Variants in RECQL5 observed in about 807,000 individuals in gnomAD.
The protein encoded by RECQL5 is ATP-dependent DNA helicase Q5.
A neutral mutation model predicts 103.4 loss-of-function variants in RECQL5; 88 were observed. That is an observed-to-expected ratio of 0.85 (90% CI 0.72 to 1.02). The LOEUF (loss-of-function observed/expected upper bound fraction) is 1.02. Ranked by LOEUF, RECQL5 falls within the 50% of genes least tolerant of loss-of-function variation. The pLI is 0.00. For missense variants in RECQL5, 1,232 were observed against 1,284.3 expected, an observed-to-expected ratio of 0.96 and a Z score of 0.62; for synonymous variants, 552 against 507.9, an observed-to-expected ratio of 1.09 and a Z score of -1.17.
chr17:75,667,080 G>T lies in RECQL5; in HGVS notation c.-51C>A. 1 of 389,198 alleles carries T rather than the reference G, an allele frequency of 2.6e-6. No individual in the cohort carries two copies. Among genetic ancestry groups the T allele is most frequent in the South Asian group, 2.7e-5 (1 of 36,848 alleles). The allele number at this position is 389,198 out of a possible 1,614,324, so 24.1% of individuals were successfully genotyped here. ...GTGGTCCGCCCAAGAATTAAAGGCT[G>T]CTGGCTGGTTCCGGAACTGTTCGAA... On this transcript the variant is annotated 5_prime_UTR_variant, in exon 1 of 20. Transcript: ENST00000317905.
rs143489944 is a variant in RECQL5, at chr17:75,661,290, G to A, written c.875-224C>T. Among the ~76,000 whole-genome samples the A allele has an allele frequency of 5.6e-3, 847 of 152,292 alleles. 8 individuals are homozygous for A. Among genetic ancestry groups the A allele is most frequent in the African/African-American group, 0.019 (804 of 41,570 alleles). ...CACAGAGCATTTGGCAAAGGTTAGGGCCATGATTCAAGCCCAAGTCCGTTG... is the reference window on the plus strand; with the variant it reads ...CACAGAGCATTTGGCAAAGGTTAGGACCATGATTCAAGCCCAAGTCCGTTG... On this transcript the variant is annotated intron_variant, in intron 5 of 19. Coordinates refer to ENST00000317905, the MANE Select transcript of RECQL5 (RefSeq NM_004259.7).
At position 75,662,708 on chromosome 17, in the gene RECQL5, G is replaced by T; in HGVS notation, c.542C>A (p.Ser181Tyr). ...CACACAAGGGGCATGTCCCAGGCGG[G>T]AGCGCAGGGCACCCAGACGCAAGTA... is the stretch of plus-strand genomic sequence containing the variant. ...PDYLRLGALR[S>Y]RLGHAPCVAL... The change falls in exon 4 of 20, where the codon TCC (serine) becomes TAC (tyrosine). Residue 181 changes from serine (S) to tyrosine (Y), a missense_variant. Physicochemically the swap from Ser to Tyr is moderately radical, Grantham distance 144. Coordinates refer to ENST00000317905, the MANE Select transcript of RECQL5 (RefSeq NM_004259.7). The T allele has an allele frequency of 6.2e-7, 1 of 1,614,056 alleles. No individual in the cohort carries two copies.
At chr17:75,662,101 C>T (rs962080204) in intron 4 of RECQL5, among the ~76,000 whole-genome samples, 16 of 152,062 alleles carry the variant, frequency 1.1e-4, no homozygotes, top group Admixed American at 3.9e-4. Flanking sequence ...GCGGAGGTTG[C>T]GGTGAGCCAA....
At chr17:75,665,297 T>G in intron 2 of RECQL5, 125 bp from the exon 3 acceptor site, 1 of 809,910 alleles carries the variant, frequency 1.2e-6, no homozygotes, top group East Asian at 2.9e-5. Context: ...GGTCTCGATG[T>G]AATCCTAATT....
rs995907669 is a variant in RECQL5 at position 75,629,592 on chromosome 17, G to A, written c.1947+116C>T. ...GCTCTCAGGAGTGTGGGAGGGAAGA[G>A]GCAGGCAGGACCCTGGTGGGGAGCC... On this transcript the variant is annotated intron_variant, in intron 15 of 19. Transcript: ENST00000317905. 6 of 1,506,060 alleles carry A rather than the reference G, an allele frequency of 4.0e-6. No individual in the cohort carries two copies. In the Admixed American group the frequency reaches 1.3e-4, roughly 33 times the overall value. 93.3% of individuals were successfully genotyped at this position (1,506,060 alleles called of 1,614,324 possible).
rs1293083582 is a variant in RECQL5, at chr17:75,631,244, T to A, written c.1454A>T (p.Asp485Val). ...RKGYGDFSRYDEGSGGSGDEG... is the reference protein window; with the variant it reads ...RKGYGDFSRYVEGSGGSGDEG... Reference sequence around the variant, plus strand: ...ATCCCCGCTGCCTCCAGAACCTTCGTCATACCTAGGGACAGGCCAGGCGTG... The same window carrying A: ...ATCCCCGCTGCCTCCAGAACCTTCGACATACCTAGGGACAGGCCAGGCGTG... The change falls in exon 10 of 20, where the codon GAC (aspartate) becomes GTC (valine). Residue 485 changes from aspartate to valine, a missense_variant. Physicochemically the swap from Asp to Val is radical, Grantham distance 152. Coordinates refer to ENST00000317905, the MANE Select transcript of RECQL5 (RefSeq NM_004259.7). 1 of 1,613,702 alleles carries A rather than the reference T, an allele frequency of 6.2e-7. No homozygotes were observed. Among genetic ancestry groups the A allele is most frequent in the Non-Finnish European group, 8.5e-7 (1 of 1,180,008 alleles).
In RECQL5 at chr17:75,658,253, G is replaced by C. The variant is rs541525397; in HGVS notation, c.1149+45C>G. The stretch of plus-strand genomic sequence containing the variant: ...CAGAAATCAGCTTCACAAAACTGGA[G>C]AGTGGTGGGTCAGACTGAAAGACCT... On this transcript the variant is annotated intron_variant, in intron 7 of 19. Coordinates refer to ENST00000317905, the MANE Select transcript of RECQL5 (RefSeq NM_004259.7). 1.8e-5 allele frequency: 29 copies of C among 1,580,422 alleles called. No individual in the cohort carries two copies. In the Admixed American group the frequency reaches 4.9e-4, roughly 27 times the overall value.
At chr17:75,637,185 C>T (rs2059340046) in intron 8 of RECQL5, 1 of 152,276 alleles carries the variant, frequency 6.6e-6, no homozygotes. Flanking sequence ...CCAGGTCTCT[C>T]GCTCACAAGG....
intron 8 of RECQL5, among the ~76,000 whole-genome samples, chr17:75,635,012 C>T (rs1026443986): frequency 5.3e-5 from 8 of 152,196 alleles, no homozygotes; most frequent in African/African-American, 1.9e-4. Context: ...CTGGGCAGGG[C>T]CCGTGAGCCG....
rs746230146 is a variant in RECQL5 at position 75,666,567 on chromosome 17, G to A, written c.-10C>T. ...TATGGTGGCTGCTCATCTTAGCCAA[G>A]AACAGTGGCCAAAGGTTAAGGCAAA... On this transcript the variant is annotated 5_prime_UTR_variant, in exon 2 of 20. Transcript: ENST00000317905. 6.2e-7 allele frequency: 1 copy of A among 1,613,750 alleles called. No homozygotes were observed. The highest frequency in any genetic ancestry group is 8.5e-7 in the Non-Finnish European group (1 of 1,179,940).
Position 75,631,681 on chromosome 17 carries a change from G to A in RECQL5, c.1230-13C>T, listed in dbSNP as rs555741435. The A allele has an allele frequency of 1.4e-5, 23 of 1,608,908 alleles. No individual in the cohort carries two copies. Among genetic ancestry groups the A allele is most frequent in the South Asian group, 7.7e-5 (7 of 90,900 alleles). On this transcript the variant is annotated splice_polypyrimidine_tract_variant and intron_variant, in intron 8 of 19. Transcript: ENST00000317905. Reference sequence around the variant, plus strand: ...GGCATGGCGGCACCTGGAGCAGGCAGCACCGCAGAGGTGAGGGGCGGAGAG... The same window carrying A: ...GGCATGGCGGCACCTGGAGCAGGCAACACCGCAGAGGTGAGGGGCGGAGAG...
intron 8 of RECQL5, chr17:75,641,106 A>C: frequency 1.2e-6 from 1 of 854,262 alleles, no homozygotes; most frequent in Non-Finnish European, 1.7e-6. Context: ...CTGCCAGTGG[A>C]CACTGGGTGC....
Position 75,631,675 on chromosome 17 carries a change from C to T in RECQL5, c.1230-7G>A, listed in dbSNP as rs1194898489. ...AATGGCGGCATGGCGGCACCTGGAG[C>T]AGGCAGCACCGCAGAGGTGAGGGGC... On this transcript the variant is annotated splice_polypyrimidine_tract_variant and splice_region_variant and intron_variant, in intron 8 of 19. Transcript: ENST00000317905. The T allele has an allele frequency of 4.3e-6, 7 of 1,609,798 alleles. No individual in the cohort carries two copies. The highest frequency in any genetic ancestry group is 5.9e-6 in the Non-Finnish European group (7 of 1,179,294).
intron 7 of RECQL5, among the ~76,000 whole-genome samples, chr17:75,656,532 T>C (rs967975169): frequency 3.3e-5 from 5 of 151,666 alleles, no homozygotes; most frequent in African/African-American, 1.2e-4. Context: ...ATTTTTTTTT[T>C]CCTTGGCTCT....
chr17:75,647,816 C>T, intron 8 of RECQL5: 1 of 437,264 alleles, frequency 2.3e-6, no homozygotes, highest in Non-Finnish European at 4.2e-6. Context: ...CGACCAGAAC[C>T]CTAAAAGCAC....
chr17:75,658,157 C>T (rs1400715743), intron 7 of RECQL5, 141 bp downstream of exon 7: 31 of 733,504 alleles, frequency 4.2e-5, no homozygotes, highest in Non-Finnish European at 5.9e-5. Context: ...CTAACCAATA[C>T]GCCATTTCCC....
At position 75,640,393 on chromosome 17, in the gene RECQL5, C is replaced by A; in HGVS notation, c.1230-8725G>T. ...ATCTGGGAGAGACCACACCATGGTG[C>A]CAGCCAGAGGGCTGGCAGAGGTGGC... is the stretch of plus-strand genomic sequence containing the variant. On this transcript the variant is annotated intron_variant, in intron 8 of 19. Coordinates refer to ENST00000317905, the MANE Select transcript of RECQL5 (RefSeq NM_004259.7). This position sits in a 1 kb window ranked among gnomAD's most constrained non-coding sequence, Gnocchi z 4.6. 1 of 1,465,934 alleles carries A rather than the reference C, an allele frequency of 6.8e-7. No individual in the cohort carries two copies. The allele number at this position is 1,465,934 out of a possible 1,614,324, so 90.8% of individuals were successfully genotyped here.
At chr17:75,659,442 C>A (rs753170153) in intron 6 of RECQL5, among the ~76,000 whole-genome samples, 7 of 152,192 alleles carry the variant, frequency 4.6e-5, no homozygotes, top group Non-Finnish European at 8.8e-5. Context: ...ATTGCAGCCT[C>A]AACCCCCGGC....
At chr17:75,650,074 C>T (rs1222549269) in intron 8 of RECQL5, 2 of 985,704 alleles carry the variant, frequency 2.0e-6, no homozygotes, top group Admixed American at 6.1e-5. Flanking sequence ...TGAACAGGAA[C>T]ACTTGGCCCT....
Sources: gnomAD v4.1 joint callset for allele counts (sites outside exome capture counted in the v4.1 genomes callset) on GRCh38, gnomAD v4.1.1 for gene constraint, Gnocchi (gnomAD v3.1) non-coding constraint, MANE v1.5 for transcripts, NCBI Gene and HGNC (gene_info 2026-07-23, HGNC 2026-07-21) for gene names.